Variants in WDR70 observed in about 807,000 individuals in gnomAD.
The protein encoded by WDR70 is WD repeat-containing protein 70.
A neutral mutation model predicts 88.6 loss-of-function variants in WDR70; 53 were observed. The ratio of observed to expected loss-of-function variants is 0.60; its 90% CI spans 0.48 to 0.75. The LOEUF (loss-of-function observed/expected upper bound fraction) is 0.75, where lower values mean the gene tolerates loss of function less well. Ranked by LOEUF, WDR70 falls within the 30% of genes least tolerant of loss-of-function variation. The pLI, the probability that WDR70 is intolerant of heterozygous loss-of-function variation, is 0.00. For synonymous variants in WDR70, 280 were observed against 270.0 expected (o/e 1.04, Z -0.36); for missense variants, 610 against 823.2 (o/e 0.74, Z 3.17).
At chr5:37,383,037 T>C (rs1748481956) in intron 3 of WDR70, among the ~76,000 whole-genome samples, 1 of 149,864 alleles carries the variant, frequency 6.7e-6, no homozygotes, top group Non-Finnish European at 1.5e-5. Flanking sequence ...TAAAATAAAA[T>C]AAAATGGGCG....
intron 10 of WDR70, among the ~76,000 whole-genome samples, chr5:37,606,655 A>G (rs1027801465): frequency 3.3e-5 from 5 of 152,200 alleles, no homozygotes; most frequent in Non-Finnish European, 5.9e-5. Flanking sequence ...TCTAACAAGT[A>G]TCTCTTAAAG....
intron 10 of WDR70, among the ~76,000 whole-genome samples, chr5:37,617,744 T>G (rs1744384936): frequency 6.6e-6 from 1 of 152,240 alleles, no homozygotes; most frequent in Non-Finnish European, 1.5e-5. Flanking sequence ...TTACCTGCAC[T>G]GTAGATACTT....
intron 17 of WDR70, among the ~76,000 whole-genome samples, chr5:37,747,872 T>G (rs1190146664): frequency 6.6e-6 from 1 of 152,166 alleles, no homozygotes; most frequent in Non-Finnish European, 1.5e-5. Context: ...AAATCATGAA[T>G]GAACTCCCAT....
chr5:37,562,747 AGAGCACAGGG>A (rs1255842083), intron 9 of WDR70, among the ~76,000 whole-genome samples: 1 of 152,050 alleles, frequency 6.6e-6, no homozygotes, highest in African/African-American at 2.4e-5. Flanking sequence ...CATGTTTCAG[AGAGCACAGGG>A]TTGGGGGTAA....
rs890142503 is a variant in WDR70 at position 37,696,095 on chromosome 5, T to A, written c.1093-1560T>A. ...TCTGTGTGCTGATCTGTATCCTTTCTGGGGACTGCCAAGTCTTTTAGAAGC... is the reference window on the plus strand; with the variant it reads ...TCTGTGTGCTGATCTGTATCCTTTCAGGGGACTGCCAAGTCTTTTAGAAGC... On this transcript the variant is annotated intron_variant, in intron 10 of 17. Coordinates refer to ENST00000265107, the MANE Select transcript of WDR70 (RefSeq NM_018034.4). Among the ~76,000 whole-genome samples the A allele has an allele frequency of 2.6e-5, 4 of 152,224 alleles. No homozygotes were observed. The East Asian group carries it at 7.7e-4, about 29-fold the overall frequency.
intron 17 of WDR70, 46 bp from the exon 18 acceptor site, chr5:37,752,440 A>T: frequency 6.7e-7 from 1 of 1,484,160 alleles, no homozygotes; most frequent in East Asian, 2.3e-5. Flanking sequence ...TGTAACAAAT[A>T]CTTTCTGACT....
At chr5:37,530,493 T>G (rs1741448513) in intron 9 of WDR70, among the ~76,000 whole-genome samples, 1 of 152,068 alleles carries the variant, frequency 6.6e-6, no homozygotes, top group African/African-American at 2.4e-5. Flanking sequence ...TTATTATTGG[T>G]CTGTTCAGAA....
chr5:37,563,881 T>C (rs1305566207), intron 9 of WDR70, among the ~76,000 whole-genome samples: 2 of 122,666 alleles, frequency 1.6e-5, no homozygotes, highest in East Asian at 4.9e-4. Flanking sequence ...GTCTCCTCAC[T>C]TCTCAGACGG....
At chr5:37,525,732 A>G (rs1299093011) in intron 9 of WDR70, among the ~76,000 whole-genome samples, 1 of 152,208 alleles carries the variant, frequency 6.6e-6, no homozygotes, top group East Asian at 1.9e-4. Context: ...ATAGACTGCA[A>G]GCAAGACTAA....
At chr5:37,422,669 A>G (rs1581266481) in intron 5 of WDR70, among the ~76,000 whole-genome samples, 1 of 151,758 alleles carries the variant, frequency 6.6e-6, no homozygotes, top group East Asian at 1.9e-4. Flanking sequence ...GTAGAGACAG[A>G]GTTTCATCAT....
intron 13 of WDR70, among the ~76,000 whole-genome samples, chr5:37,715,997 A>G (rs1747645786): frequency 6.6e-6 from 1 of 152,180 alleles, no homozygotes; most frequent in African/African-American, 2.4e-5. Flanking sequence ...CTGCCTCTAT[A>G]CAAGTCTGCA....
chr5:37,486,841 A>T (rs756978395), intron 8 of WDR70, among the ~76,000 whole-genome samples: 8 of 150,150 alleles, frequency 5.3e-5, no homozygotes, highest in Non-Finnish European at 8.9e-5. Flanking sequence ...AATTTGTTTA[A>T]GTTCCTTATC....
chr5:37,453,620 A>G (rs533851346), intron 7 of WDR70, among the ~76,000 whole-genome samples: 2 of 152,152 alleles, frequency 1.3e-5, no homozygotes, highest in Non-Finnish European at 2.9e-5. Context: ...AGATTTGTTT[A>G]TGGCCAGTTT....
At chr5:37,419,857 TTCTC>T (rs1440191763) in intron 5 of WDR70, among the ~76,000 whole-genome samples, 1 of 152,112 alleles carries the variant, frequency 6.6e-6, no homozygotes, top group Non-Finnish European at 1.5e-5. Context: ...CTTTGTTTGT[TTCTC>T]TCAGTTTACT....
At chr5:37,592,155 A>C (rs1327943958) in intron 9 of WDR70, among the ~76,000 whole-genome samples, 1 of 152,194 alleles carries the variant, frequency 6.6e-6, no homozygotes, top group Non-Finnish European at 1.5e-5. Context: ...ATGTAATGAG[A>C]TGTCTTGAGA....
chr5:37,598,819 TA>T (rs1188395685), intron 9 of WDR70, among the ~76,000 whole-genome samples: 1 of 152,218 alleles, frequency 6.6e-6, no homozygotes, highest in African/African-American at 2.4e-5. Context: ...AAAAAAGATT[TA>T]AAAATAGAAT....
At chr5:37,417,075 T>C (rs908601440) in intron 5 of WDR70, among the ~76,000 whole-genome samples, 1 of 142,586 alleles carries the variant, frequency 7.0e-6, no homozygotes, top group African/African-American at 2.6e-5. Context: ...TGCTATGTGA[T>C]GGACACTGCT....
chr5:37,611,577 G>C (rs1045669635), intron 10 of WDR70, among the ~76,000 whole-genome samples: 1 of 151,716 alleles, frequency 6.6e-6, no homozygotes, highest in Admixed American at 6.6e-5. Flanking sequence ...TATATTTTTA[G>C]CATATAATGT....
intron 7 of WDR70, 34 bp from the exon 8 acceptor site, chr5:37,479,800 G>A: frequency 1.9e-6 from 3 of 1,588,884 alleles, no homozygotes; most frequent in Non-Finnish European, 2.6e-6. Context: ...ATTGTGCTTA[G>A]TATCTTACCA....
Sources: gnomAD v4.1 joint callset for allele counts (sites outside exome capture counted in the v4.1 genomes callset) on GRCh38, gnomAD v4.1.1 for gene constraint, MANE v1.5 for transcripts, NCBI Gene and HGNC (gene_info 2026-07-23, HGNC 2026-07-21) for gene names.